The following ST3GAL3 variants were observed in gnomAD, a reference collection of about 807,000 sequenced individuals.
ST3GAL3 encodes the protein ST3 beta-galactoside alpha-2,3-sialyltransferase 3.
ST3GAL3 carries 21 observed loss-of-function variants against 50.1 expected under a neutral mutation model. That is an observed-to-expected ratio of 0.42 (90% confidence interval 0.30 to 0.60). The LOEUF is 0.60. Ranked by LOEUF, ST3GAL3 falls within the 20% of genes least tolerant of loss-of-function variation. The pLI is 0.19. For missense variants in ST3GAL3, 353 were observed against 489.4 expected (o/e 0.72, Z 2.63); for synonymous variants, 183 against 190.0 (o/e 0.96, Z 0.30).
intron 3 of ST3GAL3, among the ~76,000 whole-genome samples, chr1:43,813,509 C>T (rs2060813062): frequency 6.6e-6 from 1 of 152,208 alleles, no homozygotes; most frequent in Non-Finnish European, 1.5e-5. Context: ...GAAAGACTTT[C>T]ACTTGCTCAA....
At chr1:43,889,062 T>C (rs1035654477) in intron 5 of ST3GAL3, among the ~76,000 whole-genome samples, 6 of 152,182 alleles carry the variant, frequency 3.9e-5, no homozygotes, top group Non-Finnish European at 7.3e-5. Context: ...ATAAGGTACA[T>C]AATCAATCAT....
chr1:43,757,909 T>TAA (rs1688706798), intron 2 of ST3GAL3, among the ~76,000 whole-genome samples: 1 of 152,288 alleles, frequency 6.6e-6, no homozygotes, highest in South Asian at 2.1e-4. Flanking sequence ...CTGTTGTACT[T>TAA]TACTAAGTCA....
chr1:43,792,171 T>G, intron 3 of ST3GAL3, 22 bp downstream of exon 3: 1 of 1,614,204 alleles, frequency 6.2e-7, no homozygotes, highest in Non-Finnish European at 8.5e-7. Context: ...TCCCCCTCTA[T>G]CATCTTTTTG....
chr1:43,853,649 A>G (rs2067784784), intron 5 of ST3GAL3, among the ~76,000 whole-genome samples: 1 of 152,208 alleles, frequency 6.6e-6, no homozygotes, highest in Admixed American at 6.5e-5. Context: ...TCTCTTACCC[A>G]GCTCTACAGA....
chr1:43,710,746 T>C (rs1278200597), intron 1 of ST3GAL3, among the ~76,000 whole-genome samples: 1 of 152,258 alleles, frequency 6.6e-6, no homozygotes, highest in African/African-American at 2.4e-5. Context: ...TGTTCTTACG[T>C]ATGTTTCAGG....
At chr1:43,874,001 G>A (rs1254185924) in intron 5 of ST3GAL3, among the ~76,000 whole-genome samples, 1 of 151,964 alleles carries the variant, frequency 6.6e-6, no homozygotes, top group Admixed American at 6.6e-5. Flanking sequence ...AGAAAGGAAT[G>A]AGAAAGAGGA....
At chr1:43,744,687 T>TAAATAAATAAATAAATAAATAAAA (rs1558109543) in intron 2 of ST3GAL3, among the ~76,000 whole-genome samples, 6 of 135,434 alleles carry the variant, frequency 4.4e-5, no homozygotes, top group Non-Finnish European at 8.0e-5. Flanking sequence ...AATAAATAAA[T>TAAATAAATAAATAAATAAATAAAA]AAAATAAAAT....
chr1:43,830,123 C>G (rs1417021087), intron 4 of ST3GAL3, among the ~76,000 whole-genome samples: 1 of 150,792 alleles, frequency 6.6e-6, no homozygotes, highest in African/African-American at 2.4e-5. Context: ...CCTCAGCCTC[C>G]CCGGCCCAAG....
At position 43,737,025 on chromosome 1, in the gene ST3GAL3, T is replaced by C; in HGVS notation, c.118+645T>C. ...TGGTTTCTGTTTACCTGATGTGGCC[T>C]GTGTTTTGGTTCTAGGCTTGCAGTT... On this transcript the variant is annotated intron_variant, in intron 2 of 11. Coordinates refer to ENST00000347631, the MANE Select transcript of ST3GAL3 (RefSeq NM_006279.5). This position sits in a 1 kb window ranked among gnomAD's most constrained non-coding sequence, Gnocchi z 4.0. The C allele has an allele frequency of 6.1e-6, 1 of 163,700 alleles. No individual in the cohort carries two copies. The highest frequency in any genetic ancestry group is 1.3e-5 in the Non-Finnish European group (1 of 75,530). The allele number at this position is 163,700 out of a possible 1,614,324, so 10.1% of individuals were successfully genotyped here. A position where few individuals can be genotyped will look rare whatever the true frequency, so the allele number is the denominator to read the frequency against.
At chr1:43,926,316 C>T (rs755899849) in intron 11 of ST3GAL3, among the ~76,000 whole-genome samples, 1 of 152,152 alleles carries the variant, frequency 6.6e-6, no homozygotes, top group African/African-American at 2.4e-5. Flanking sequence ...TGGCCGGGCG[C>T]GGTCCCTCAC....
intron 2 of ST3GAL3, among the ~76,000 whole-genome samples, chr1:43,750,424 A>G (rs1226431207): frequency 2.0e-5 from 3 of 152,236 alleles, no homozygotes; most frequent in African/African-American, 4.8e-5. Flanking sequence ...CTAAATTTCC[A>G]TCAGTAGGTA....
At chr1:43,772,152 C>A in intron 2 of ST3GAL3, 1 of 396,760 alleles carries the variant, frequency 2.5e-6, no homozygotes, top group East Asian at 3.6e-5. Flanking sequence ...CGGGTTCAAG[C>A]GATTCTCCTG....
chr1:43,848,566 A>G (rs1053085056), intron 5 of ST3GAL3, among the ~76,000 whole-genome samples: 1 of 151,722 alleles, frequency 6.6e-6, no homozygotes, highest in African/African-American at 2.4e-5. Context: ...CGGCCTCCCA[A>G]AGTGCTAGGA....
rs1433893188 is a variant in ST3GAL3, at chr1:43,920,564, G to A, written c.891+14G>A. The A allele has an allele frequency of 6.2e-7, 1 of 1,613,352 alleles. No individual in the cohort carries two copies. On this transcript the variant is annotated intron_variant, in intron 10 of 11. Coordinates refer to ENST00000347631, the MANE Select transcript of ST3GAL3 (RefSeq NM_006279.5). ...ATGGGCCGGGGGGTGAGATATCTGGGCCCTGGGAGAGGGAGGAGGAAAGCT... is the reference window on the plus strand; with the variant it reads ...ATGGGCCGGGGGGTGAGATATCTGGACCCTGGGAGAGGGAGGAGGAAAGCT...
chr1:43,876,115 A>G (rs1298607903), intron 5 of ST3GAL3, among the ~76,000 whole-genome samples: 1 of 151,938 alleles, frequency 6.6e-6, no homozygotes, highest in Non-Finnish European at 1.5e-5. Flanking sequence ...TTACCTTGCC[A>G]CCATGGCAGG....
intron 5 of ST3GAL3, among the ~76,000 whole-genome samples, chr1:43,867,348 A>G (rs2071591147): frequency 6.6e-6 from 1 of 152,216 alleles, no homozygotes; most frequent in African/African-American, 2.4e-5. Flanking sequence ...TAGAGAACCC[A>G]AGAAGAAGAT....
intron 3 of ST3GAL3, among the ~76,000 whole-genome samples, chr1:43,794,364 TCAATACACATCTACCAAA>T: frequency 6.6e-6 from 1 of 152,304 alleles, no homozygotes; most frequent in East Asian, 1.9e-4. Context: ...CAATGAGATA[TCAATACACATCTACCAAA>T]TGGCAAAACT....
intron 4 of ST3GAL3, among the ~76,000 whole-genome samples, chr1:43,817,470 C>T (rs1030701161): frequency 7.0e-5 from 10 of 143,312 alleles, no homozygotes; most frequent in Non-Finnish European, 3.0e-5. Context: ...TTCTTCTTCT[C>T]CTTCTCCTTG....
At chr1:43,851,168 CG>C in intron 5 of ST3GAL3, 1 of 1,366,564 alleles carries the variant, frequency 7.3e-7, no homozygotes, top group Non-Finnish European at 1.0e-6. Flanking sequence ...GTGGAAGAGG[CG>C]GGTGTTCTCC....
Sources: allele counts gnomAD v4.1 joint callset (sites outside exome capture counted in the v4.1 genomes callset), GRCh38; gene constraint gnomAD v4.1.1; non-coding constraint Gnocchi (gnomAD v3.1); transcripts MANE v1.5; gene names NCBI Gene and HGNC (gene_info 2026-07-23, HGNC 2026-07-21).